The following ARPC4 variants were observed in gnomAD, a reference collection of about 807,000 sequenced individuals.
ARPC4 encodes actin related protein 2/3 complex subunit 4.
ARPC4 carries 3 observed loss-of-function variants against 22.8 expected under a neutral mutation model. The observed-to-expected ratio is 0.13, with a 90% CI of 0.06 to 0.34. The LOEUF is 0.34. Ranked by LOEUF, ARPC4 falls within the 10% of genes least tolerant of loss-of-function variation. ARPC4 has a pLI of 1.00. For missense variants in ARPC4, 98 were observed against 211.0 expected (o/e 0.46, Z 3.32); for synonymous variants, 80 against 72.5 (o/e 1.10, Z -0.52).
At chr3:9,796,898 G>A (rs1188862965) in intron 1 of ARPC4, among the ~76,000 whole-genome samples, 1 of 135,822 alleles carries the variant, frequency 7.4e-6, no homozygotes, top group Non-Finnish European at 1.5e-5. Context: ...CCGAGATCGT[G>A]CCACCGCGCT....
chr3:9,792,764 C>T, upstream of ARPC4: 1 of 1,245,694 alleles, frequency 8.0e-7, no homozygotes, highest in Admixed American at 4.1e-5. Flanking sequence ...AGGGCTCGTC[C>T]GCTTCGGCTT....
upstream of ARPC4, chr3:9,792,845 G>C (rs922341282): frequency 1.1e-5 from 15 of 1,364,086 alleles, no homozygotes; most frequent in African/African-American, 2.1e-4. Context: ...TGGCAAAGGT[G>C]ACAAGAAGGC....
chr3:9,802,532 C>A (rs1357157533), intron 4 of ARPC4, among the ~76,000 whole-genome samples: 2 of 150,842 alleles, frequency 1.3e-5, no homozygotes, highest in Non-Finnish European at 3.0e-5. Flanking sequence ...CCCACCACCA[C>A]ACCTGGCTAA....
upstream of ARPC4, chr3:9,792,527 G>A (rs748478414): frequency 1.5e-5 from 18 of 1,223,326 alleles, no homozygotes; most frequent in Middle Eastern, 3.2e-4. Flanking sequence ...CAGCGAGGGC[G>A]AGCCTACTGG....
At chr3:9,792,596 G>A (rs1164517159), upstream of ARPC4, 2 of 1,230,052 alleles carry the variant, frequency 1.6e-6, no homozygotes, top group Admixed American at 4.2e-5. Flanking sequence ...GGTGGGGTGC[G>A]GGTGGTCGGC....
intron 2 of ARPC4, 79 bp downstream of exon 2, chr3:9,797,856 T>C: frequency 7.1e-7 from 1 of 1,416,690 alleles, no homozygotes; most frequent in Non-Finnish European, 9.6e-7. Flanking sequence ...GCCATGAACT[T>C]ATGTCCTGCA....
Position 9,797,692 on chromosome 3 carries a change from C to T in ARPC4, c.37C>T (p.Arg13Trp). The change falls in exon 2 of 6, where the codon CGG becomes TGG. Residue 13 changes from arginine (R) to tryptophan (W), a missense_variant. Coordinates refer to ENST00000397261, the MANE Select transcript of ARPC4 (RefSeq NM_005718.5). ...ATLRPYLSAV[R>W]ATLQAALCLE... is the part of the protein sequence containing the mutation. ...TCTCCGCCCCTACCTGAGTGCCGTG[C>T]GGGCCACATTGCAGGCTGCCCTCTG... 1.2e-6 allele frequency: 2 copies of T among 1,614,136 alleles called. No homozygotes were observed. Among genetic ancestry groups the T allele is most frequent in the Non-Finnish European group, 1.7e-6 (2 of 1,180,008 alleles).
intron 5 of ARPC4, 84 bp downstream of exon 5, chr3:9,804,097 G>A (rs1190494916): frequency 6.0e-6 from 9 of 1,488,704 alleles, no homozygotes; most frequent in Admixed American, 1.9e-5. Flanking sequence ...TGGGAAAGGG[G>A]TCCAAGCAGT....
intron 3 of ARPC4, 47 bp from the exon 4 acceptor site, chr3:9,801,614 C>T (rs999318309): frequency 4.0e-5 from 62 of 1,542,554 alleles, no homozygotes; most frequent in Non-Finnish European, 4.8e-5. Context: ...GTGTTTTTGG[C>T]CTTGGGTGTC....
At chr3:9,799,890 G>T (rs1427136236) in intron 2 of ARPC4, 1 of 540,030 alleles carries the variant, frequency 1.9e-6, no homozygotes, top group African/African-American at 1.9e-5. Flanking sequence ...CCTCGCCAGT[G>T]AATTAGGAAT....
In ARPC4 at chr3:9,797,709, T is replaced by C. The variant is rs749537042; in HGVS notation, c.54T>C (p.Ala18=). 5.0e-6 allele frequency: 8 copies of C among 1,614,080 alleles called. No individual in the cohort carries two copies. The Admixed American group carries it at 8.3e-5, about 17-fold the overall frequency. The part of the protein sequence containing the change: ...YLSAVRATLQ[A]ALCLENFSSQ... ...GTGCCGTGCGGGCCACATTGCAGGC[T>C]GCCCTCTGCCTGGAGAACTTCTCCT... The change falls in exon 2 of 6, where the codon GCT becomes GCC. Residue 18 remains alanine (A), a synonymous_variant. Coordinates refer to ENST00000397261, the MANE Select transcript of ARPC4 (RefSeq NM_005718.5).
At chr3:9,805,459 G>A (rs2079089406) in intron 5 of ARPC4, among the ~76,000 whole-genome samples, 1 of 152,240 alleles carries the variant, frequency 6.6e-6, no homozygotes, top group African/African-American at 2.4e-5. Context: ...CAAAGGTCGG[G>A]TAGCTATGGA....
intron 3 of ARPC4, among the ~76,000 whole-genome samples, chr3:9,800,652 T>G (rs2078988882): frequency 1.3e-5 from 2 of 152,104 alleles, no homozygotes; most frequent in African/African-American, 4.8e-5. Flanking sequence ...CTCCATCTCC[T>G]GACCGCAGGT....
At chr3:9,798,036 T>G (rs1424380717) in intron 2 of ARPC4, 1 of 393,592 alleles carries the variant, frequency 2.5e-6, no homozygotes, top group African/African-American at 2.1e-5. Flanking sequence ...GTTGATGAAG[T>G]CTCTCCTGTG....
At chr3:9,795,028 C>G (rs2078852604) in intron 1 of ARPC4, among the ~76,000 whole-genome samples, 1 of 151,924 alleles carries the variant, frequency 6.6e-6, no homozygotes, top group Non-Finnish European at 1.5e-5. Context: ...TTTTTTAAGA[C>G]ACAGTCTCGC....
At chr3:9,799,938 CA>C in intron 2 of ARPC4, 2 of 617,114 alleles carry the variant, frequency 3.2e-6, no homozygotes, top group Non-Finnish European at 6.0e-6. Context: ...GAGATTCCAA[CA>C]GGGTAACTTG....
At chr3:9,802,278 C>T (rs1238108372) in intron 4 of ARPC4, among the ~76,000 whole-genome samples, 1 of 144,420 alleles carries the variant, frequency 6.9e-6, no homozygotes, top group Non-Finnish European at 1.5e-5. Flanking sequence ...AAAGATAAGA[C>T]ACATTGCTTA....
At chr3:9,794,558 C>T (rs186267758) in intron 1 of ARPC4, among the ~76,000 whole-genome samples, 1 of 152,088 alleles carries the variant, frequency 6.6e-6, no homozygotes, top group Non-Finnish European at 1.5e-5. Flanking sequence ...TAGTACCATC[C>T]GCTCAGGACA....
chr3:9,793,050 C>A, upstream of ARPC4: 1 of 1,544,174 alleles, frequency 6.5e-7, no homozygotes, highest in Admixed American at 2.0e-5. Context: ...AGCTGCGCTT[C>A]TCGCGAAAGG....
Sources: gnomAD v4.1 joint callset for allele counts (sites outside exome capture counted in the v4.1 genomes callset) on GRCh38, gnomAD v4.1.1 for gene constraint, MANE v1.5 for transcripts, NCBI Gene and HGNC (gene_info 2026-07-23, HGNC 2026-07-21) for gene names.